POLR3B: variants seen among roughly 807,000 people sequenced by gnomAD.
The protein encoded by POLR3B is RNA polymerase III subunit B, also known as DNA-directed RNA polymerase III subunit RPC2.
Under a neutral mutation model 147.4 loss-of-function variants are expected in POLR3B, and 96 were observed. The observed-to-expected ratio is 0.65, with a 90% confidence interval of 0.55 to 0.77. POLR3B has a LOEUF of 0.77. Among genes scored for constraint, POLR3B ranks in the 30% least tolerant of loss-of-function variants. The probability of loss-of-function intolerance (pLI) is 0.00; values close to 1 mark genes in which losing one functional copy is unlikely to be tolerated. For missense variants in POLR3B, 1,036 were observed against 1,413.5 expected, an observed-to-expected ratio of 0.73 and a Z score of 4.28; for synonymous variants, 461 against 485.9, an observed-to-expected ratio of 0.95 and a Z score of 0.67.
chr12:106,427,508 T>G (rs573248822), intron 13 of POLR3B, 150 bp downstream of exon 13: 1 of 757,734 alleles, frequency 1.3e-6, no homozygotes, highest in African/African-American at 1.8e-5. Context: ...TGAAAGAAAG[T>G]CTGAAGTGTT....
rs1437834747 is a variant in POLR3B at position 106,504,421 on chromosome 12, G to A, written c.3272+167G>A. On this transcript the variant is annotated intron_variant, in intron 27 of 27. Transcript: ENST00000228347. The surrounding 1 kb of genome is among the most constrained non-coding windows in gnomAD (Gnocchi z 4.6). Reference sequence around the variant, plus strand: ...GTCATTGGGGATACTCTGTGTACATGTCTCATTTGTCTACATCATGATCTA... The same window carrying A: ...GTCATTGGGGATACTCTGTGTACATATCTCATTTGTCTACATCATGATCTA... 6.6e-6 allele frequency among the ~76,000 whole-genome samples: 1 copy of A among 152,134 alleles called. No individual in the cohort carries two copies. Among genetic ancestry groups the A allele is most frequent in the Non-Finnish European group, 1.5e-5 (1 of 68,030 alleles).
chr12:106,419,794 C>CTTTTTTT (rs56756383), intron 12 of POLR3B, among the ~76,000 whole-genome samples: 23 of 88,944 alleles, frequency 2.6e-4, no homozygotes, highest in African/African-American at 3.8e-4. Flanking sequence ...TTTAGTTTTG[C>CTTTTTTT]TTTTTTTTTT....
At chr12:106,432,551 T>C in intron 15 of POLR3B, 71 bp downstream of exon 15, 5 of 1,265,286 alleles carry the variant, frequency 4.0e-6, no homozygotes, top group South Asian at 1.2e-5. Flanking sequence ...ATTATTATCC[T>C]GGTATTTAAA....
At chr12:106,384,540 C>T (rs150356682) in intron 9 of POLR3B, among the ~76,000 whole-genome samples, 124 of 152,298 alleles carry the variant, frequency 8.1e-4, no homozygotes, top group Middle Eastern at 3.4e-3. Flanking sequence ...TGAGATTGAA[C>T]AAGGCAACAC....
At chr12:106,480,267 C>T (rs559877581) in intron 23 of POLR3B, among the ~76,000 whole-genome samples, 4 of 152,232 alleles carry the variant, frequency 2.6e-5, no homozygotes, top group African/African-American at 9.6e-5. Context: ...ACCTGGTATA[C>T]CCCTGAACCC....
Position 106,433,883 on chromosome 12 carries a change from A to G in POLR3B, c.1781+11A>G, listed in dbSNP as rs886650025. On this transcript the variant is annotated intron_variant, in intron 16 of 27. Coordinates refer to ENST00000228347, the MANE Select transcript of POLR3B (RefSeq NM_018082.6). ...GGGAAGGCTATGCAGGTATATATGC[A>G]GGTTACTAAAAAGAGTTTTTAAGAA... 8 of 1,607,176 alleles carry G rather than the reference A, an allele frequency of 5.0e-6. No individual in the cohort carries two copies.
chr12:106,409,694 AGTCT>A (rs2037199930), intron 11 of POLR3B, among the ~76,000 whole-genome samples: 1 of 150,136 alleles, frequency 6.7e-6, no homozygotes, highest in Admixed American at 6.6e-5. Context: ...TTTTGAATGC[AGTCT>A]ATTGATTTAT....
intron 23 of POLR3B, among the ~76,000 whole-genome samples, chr12:106,482,420 G>A (rs969367410): frequency 1.3e-5 from 2 of 152,270 alleles, no homozygotes; most frequent in East Asian, 3.9e-4. Context: ...CAGGAAGCAT[G>A]GCTAGGGAGG....
At chr12:106,435,169 C>T (rs2037561244) in intron 16 of POLR3B, among the ~76,000 whole-genome samples, 1 of 151,778 alleles carries the variant, frequency 6.6e-6, no homozygotes, top group Non-Finnish European at 1.5e-5. Flanking sequence ...ACTTTGTCAC[C>T]CAGGCTGCAG....
At chr12:106,408,960 C>A (rs904277002) in intron 11 of POLR3B, among the ~76,000 whole-genome samples, 1 of 152,102 alleles carries the variant, frequency 6.6e-6, no homozygotes, top group African/African-American at 2.4e-5. Flanking sequence ...TACCTCTAAT[C>A]GAGTGGCATT....
At chr12:106,358,046 G>A in intron 1 of POLR3B, 95 bp downstream of exon 1, 1 of 1,564,256 alleles carries the variant, frequency 6.4e-7, no homozygotes, top group Non-Finnish European at 8.6e-7. Flanking sequence ...GCGGGCTGGC[G>A]GTTTGTGCGC....
intron 9 of POLR3B, among the ~76,000 whole-genome samples, chr12:106,389,914 A>G (rs1026419290): frequency 1.3e-5 from 2 of 152,176 alleles, no homozygotes; most frequent in African/African-American, 2.4e-5. Context: ...CTCTTAAAAA[A>G]GTTGGCTGGG....
chr12:106,497,524 A>G (rs2038513944), intron 25 of POLR3B, among the ~76,000 whole-genome samples: 1 of 152,222 alleles, frequency 6.6e-6, no homozygotes, highest in African/African-American at 2.4e-5. Flanking sequence ...CCCTATGCCT[A>G]CTTTTAAGGA....
intron 10 of POLR3B, among the ~76,000 whole-genome samples, chr12:106,395,093 G>A (rs1028392578): frequency 2.4e-4 from 36 of 152,124 alleles, no homozygotes; most frequent in African/African-American, 5.5e-4. Context: ...TTAGCCAGGC[G>A]TGGTGGCAGG....
rs529535048 is a variant in POLR3B, at chr12:106,408,996, G to C, written c.967-1830G>C. On this transcript the variant is annotated intron_variant, in intron 11 of 27. Transcript: ENST00000228347. ...ATACAGTTCAGTAGGGGCATTTTCC[G>C]TAAATATCCATATTTATTTCTACTT... Among the ~76,000 whole-genome samples, 7 of 152,104 alleles carry C rather than the reference G, an allele frequency of 4.6e-5. No individual in the cohort carries two copies. The East Asian group carries it at 9.6e-4, about 21-fold the overall frequency.
At chr12:106,496,565 T>A in intron 24 of POLR3B, 187 bp from the exon 25 acceptor site, 2 of 630,838 alleles carry the variant, frequency 3.2e-6, no homozygotes, top group Non-Finnish European at 5.6e-6. Context: ...TGAAGAAATA[T>A]AGGACCTATC....
intron 12 of POLR3B, among the ~76,000 whole-genome samples, chr12:106,411,338 A>G (rs2136937754): frequency 6.6e-6 from 1 of 152,122 alleles, no homozygotes; most frequent in South Asian, 2.1e-4. Context: ...GGGTTTCTCC[A>G]TGTTGGTCAG....
chr12:106,357,913 A>G lies in POLR3B; in HGVS notation c.34A>G (p.Thr12Ala). Residue 12 changes from threonine to alanine, a missense_variant, in exon 1 of 28, where the codon ACT becomes GCT. This residue lies in a region of POLR3B where 150 missense variants were observed against 145.5 expected (regional missense o/e 1.03). Transcript: ENST00000228347. ...GCTAGCGGAGGAGTTTGGGAACCTG[A>G]CTCCGGAGCAGCTGGCGGCGCCGAT... ...DVLAEEFGNL[T>A]PEQLAAPIPT... 6.2e-7 allele frequency: 1 copy of G among 1,613,418 alleles called. No homozygotes were observed. Among genetic ancestry groups the G allele is most frequent in the Middle Eastern group, 1.8e-4 (1 of 5,660 alleles).
At position 106,393,166 on chromosome 12, in the gene POLR3B, ATGT is replaced by A. The variant is rs1490658709; in HGVS notation, c.846+17_846+19del. 1 of 1,613,982 alleles carries A rather than the reference ATGT, an allele frequency of 6.2e-7. No homozygotes were observed. Among genetic ancestry groups the A allele is most frequent in the African/African-American group, 1.3e-5 (1 of 75,034 alleles). ...CACACAGATGCAGGTGTGTCTTTTC[ATGT>A]TGTCCTTTGCTATGAAATGGAATTG... On this transcript the variant is annotated intron_variant, in intron 10 of 27. Transcript: ENST00000228347.
Sources: allele counts gnomAD v4.1 joint callset (sites outside exome capture counted in the v4.1 genomes callset), GRCh38; gene constraint gnomAD v4.1.1; regional missense constraint gnomAD v4.1.1; non-coding constraint Gnocchi (gnomAD v3.1); transcripts MANE v1.5; gene names NCBI Gene and HGNC (gene_info 2026-07-23, HGNC 2026-07-21).